Variants in PDSS2 observed in about 807,000 individuals in gnomAD.
PDSS2 encodes all trans-polyprenyl-diphosphate synthase PDSS2.
A neutral mutation model predicts 44.5 loss-of-function variants in PDSS2; 31 were observed. The observed-to-expected ratio is 0.70, with a 90% confidence interval of 0.52 to 0.94. PDSS2 has a LOEUF of 0.94. Ranked by LOEUF, PDSS2 falls within the 40% of genes least tolerant of loss-of-function variation. PDSS2 has a pLI of 0.00. For synonymous variants in PDSS2, 157 were observed against 180.3 expected, an observed-to-expected ratio of 0.87 and a Z score of 1.03; for missense variants, 452 against 482.2, an observed-to-expected ratio of 0.94 and a Z score of 0.59.
At chr6:107,302,136 T>A (rs1335130857) in intron 2 of PDSS2, among the ~76,000 whole-genome samples, 1 of 152,156 alleles carries the variant, frequency 6.6e-6, no homozygotes, top group Non-Finnish European at 1.5e-5. Context: ...AAGTTAGCCT[T>A]CAATGAGACT....
intron 6 of PDSS2, among the ~76,000 whole-genome samples, chr6:107,202,253 G>C (rs969388210): frequency 6.6e-6 from 1 of 152,054 alleles, no homozygotes; most frequent in African/African-American, 2.4e-5. Context: ...TTGCCTAGCT[G>C]GTCTTGAACT....
At chr6:107,241,492 G>T (rs537434777) in intron 4 of PDSS2, among the ~76,000 whole-genome samples, 1 of 150,756 alleles carries the variant, frequency 6.6e-6, no homozygotes, top group Non-Finnish European at 1.5e-5. Flanking sequence ...GACTACAGGC[G>T]CCCACCACCA....
At chr6:107,454,994 T>C (rs1781989808) in intron 1 of PDSS2, among the ~76,000 whole-genome samples, 1 of 152,110 alleles carries the variant, frequency 6.6e-6, no homozygotes, top group Non-Finnish European at 1.5e-5. Context: ...GTTTAGGCTG[T>C]TTAAATAATT....
chr6:107,204,727 C>T (rs918603770), intron 6 of PDSS2, among the ~76,000 whole-genome samples: 1 of 152,160 alleles, frequency 6.6e-6, no homozygotes, highest in African/African-American at 2.4e-5. Flanking sequence ...ATTGTCTTTC[C>T]TCTATGCTCC....
At chr6:107,416,499 C>T (rs1182590792) in intron 1 of PDSS2, among the ~76,000 whole-genome samples, 1 of 152,108 alleles carries the variant, frequency 6.6e-6, no homozygotes. Flanking sequence ...TGTATTCTGC[C>T]TGTTTATCAT....
At chr6:107,320,852 G>T (rs1231962611) in intron 2 of PDSS2, among the ~76,000 whole-genome samples, 3 of 152,092 alleles carry the variant, frequency 2.0e-5, no homozygotes, top group Non-Finnish European at 4.4e-5. Context: ...CTATACTGAG[G>T]ATGTCAAGAT....
At chr6:107,311,314 C>T (rs1777039401) in intron 2 of PDSS2, among the ~76,000 whole-genome samples, 1 of 150,098 alleles carries the variant, frequency 6.7e-6, no homozygotes, top group Non-Finnish European at 1.5e-5. Flanking sequence ...TTAAGTAATT[C>T]TCCCACCTCA....
intron 6 of PDSS2, among the ~76,000 whole-genome samples, chr6:107,205,672 CT>C (rs2114596967): frequency 6.6e-6 from 1 of 152,262 alleles, no homozygotes; most frequent in African/African-American, 2.4e-5. Flanking sequence ...TCTTAACTGC[CT>C]TTTGTGAAAG....
chr6:107,445,400 C>A (rs1781639732), intron 1 of PDSS2, among the ~76,000 whole-genome samples: 1 of 152,060 alleles, frequency 6.6e-6, no homozygotes, highest in African/African-American at 2.4e-5. Flanking sequence ...GAAACCAAAC[C>A]AAATGTCTTT....
At chr6:107,413,324 T>C (rs545232995) in intron 1 of PDSS2, among the ~76,000 whole-genome samples, 2 of 152,268 alleles carry the variant, frequency 1.3e-5, no homozygotes, top group South Asian at 2.1e-4. Flanking sequence ...GAGAGGATTG[T>C]TGAGGTCAGG....
At chr6:107,326,404 C>T (rs1777548130) in intron 2 of PDSS2, among the ~76,000 whole-genome samples, 1 of 151,892 alleles carries the variant, frequency 6.6e-6, no homozygotes, top group Non-Finnish European at 1.5e-5. Flanking sequence ...GCCACTGCAC[C>T]CAGTCCAATC....
At chr6:107,193,144 C>G (rs554418067) in intron 7 of PDSS2, among the ~76,000 whole-genome samples, 1 of 152,242 alleles carries the variant, frequency 6.6e-6, no homozygotes, top group African/African-American at 2.4e-5. Flanking sequence ...TAGGCCTGTA[C>G]TGATGCACTG....
At chr6:107,271,523 T>C (rs1475081473) in intron 3 of PDSS2, among the ~76,000 whole-genome samples, 4 of 152,208 alleles carry the variant, frequency 2.6e-5, no homozygotes, top group Non-Finnish European at 4.4e-5. Flanking sequence ...CTGGCAGCTT[T>C]GTGACTCTTG....
At chr6:107,378,722 G>A (rs1779366744) in intron 1 of PDSS2, among the ~76,000 whole-genome samples, 1 of 152,166 alleles carries the variant, frequency 6.6e-6, no homozygotes, top group Admixed American at 6.5e-5. Flanking sequence ...GGAGGCAGAG[G>A]TTGCAATGAG....
chr6:107,270,378 C>G (rs1415603675), intron 3 of PDSS2, among the ~76,000 whole-genome samples: 1 of 152,016 alleles, frequency 6.6e-6, no homozygotes, highest in East Asian at 1.9e-4. Context: ...TCCGAAAGTG[C>G]TGGGATTACA....
chr6:107,343,730 G>A (rs1582966968), intron 1 of PDSS2, among the ~76,000 whole-genome samples: 1 of 152,192 alleles, frequency 6.6e-6, no homozygotes, highest in East Asian at 1.9e-4. Context: ...ACAAAAACTA[G>A]AAATAAATAT....
chr6:107,333,512 A>G (rs1490376095), intron 2 of PDSS2, among the ~76,000 whole-genome samples: 2 of 152,150 alleles, frequency 1.3e-5, no homozygotes, highest in Non-Finnish European at 2.9e-5. Context: ...AGTAGCATCA[A>G]TCTTTATACA....
chr6:107,258,217 A>G lies in PDSS2; in HGVS notation c.631-12598T>C, dbSNP rs538108012. Among the ~76,000 whole-genome samples the G allele has an allele frequency of 1.5e-3, 221 of 152,314 alleles. 1 individual carries two copies. Among genetic ancestry groups the G allele is most frequent in the African/African-American group, 5.1e-3 (211 of 41,566 alleles). On this transcript the variant is annotated intron_variant, in intron 3 of 7. Transcript: ENST00000369037. ...GCTTTAGATTGCTGAAATATGCACAAAAATCTTTAGCTCTCTGATTTTATA... is the reference window on the plus strand; with the variant it reads ...GCTTTAGATTGCTGAAATATGCACAGAAATCTTTAGCTCTCTGATTTTATA...
At chr6:107,236,609 T>C (rs190031777) in intron 4 of PDSS2, among the ~76,000 whole-genome samples, 2 of 152,340 alleles carry the variant, frequency 1.3e-5, no homozygotes, top group Non-Finnish European at 2.9e-5. Flanking sequence ...TTTTGCAATA[T>C]TACTTTTCAC....
Sources: gnomAD v4.1 joint callset for allele counts (sites outside exome capture counted in the v4.1 genomes callset) on GRCh38, gnomAD v4.1.1 for gene constraint, MANE v1.5 for transcripts, NCBI Gene and HGNC (gene_info 2026-07-23, HGNC 2026-07-21) for gene names.